SEMA5A: variants seen among roughly 807,000 people sequenced by gnomAD.
SEMA5A encodes the protein semaphorin 5A.
A neutral mutation model predicts 135.5 loss-of-function variants in SEMA5A; 55 were observed. The observed-to-expected ratio is 0.41, with a 90% CI of 0.33 to 0.51. The LOEUF is 0.51. Among genes scored for constraint, SEMA5A ranks in the 20% least tolerant of loss-of-function variants. The pLI is 0.37. For missense variants in SEMA5A, 1,290 were observed against 1,419.9 expected (o/e 0.91, Z 1.47); for synonymous variants, 580 against 546.5 (o/e 1.06, Z -0.85).
intron 1 of SEMA5A, 25 bp from the exon 2 acceptor site, chr5:9,437,877 C>G (rs944405538): frequency 6.6e-6 from 1 of 152,284 alleles, no homozygotes; most frequent in African/African-American, 2.4e-5. Flanking sequence ...ATAGAGAGAT[C>G]CTGTCAACCC....
chr5:9,514,845 T>G (rs1418379606), intron 1 of SEMA5A, among the ~76,000 whole-genome samples: 1 of 152,182 alleles, frequency 6.6e-6, no homozygotes, highest in Non-Finnish European at 1.5e-5. Context: ...AGATCATTCT[T>G]AAAAAGAGTT....
At chr5:9,055,778 C>T (rs565134639) in intron 18 of SEMA5A, among the ~76,000 whole-genome samples, 94 of 151,714 alleles carry the variant, frequency 6.2e-4, no homozygotes, top group South Asian at 2.5e-3. Flanking sequence ...AAAAGTTATA[C>T]GGTATATCAG....
intron 1 of SEMA5A, among the ~76,000 whole-genome samples, chr5:9,474,433 A>G (rs1439638801): frequency 4.0e-5 from 6 of 151,880 alleles, no homozygotes; most frequent in Admixed American, 3.9e-4. Flanking sequence ...AGGAAACAGG[A>G]GTCTGGCTTG....
intron 3 of SEMA5A, among the ~76,000 whole-genome samples, chr5:9,341,389 G>A (rs1324970771): frequency 2.0e-5 from 3 of 151,910 alleles, no homozygotes; most frequent in African/African-American, 4.8e-5. Flanking sequence ...ATCAGAAAAT[G>A]AACAGTTTTG....
At chr5:9,389,775 G>A (rs527463559) in intron 2 of SEMA5A, among the ~76,000 whole-genome samples, 2 of 152,040 alleles carry the variant, frequency 1.3e-5, no homozygotes. Flanking sequence ...CACTTCTATG[G>A]AGCCTTCTAT....
At chr5:9,532,959 T>C (rs902457378) in intron 1 of SEMA5A, among the ~76,000 whole-genome samples, 5 of 152,230 alleles carry the variant, frequency 3.3e-5, no homozygotes, top group African/African-American at 4.8e-5. Flanking sequence ...CTGCTCCCAA[T>C]TTCATGCAGT....
At chr5:9,135,873 T>C (rs1741709346) in intron 13 of SEMA5A, among the ~76,000 whole-genome samples, 1 of 152,212 alleles carries the variant, frequency 6.6e-6, no homozygotes, top group African/African-American at 2.4e-5. Flanking sequence ...TACTGGTTCC[T>C]ATAAATGTGG....
In SEMA5A at chr5:9,436,167, A is replaced by G. The variant is rs556881554; in HGVS notation, c.-78+1589T>C. Among the ~76,000 whole-genome samples, 26 of 152,298 alleles carry G rather than the reference A, an allele frequency of 1.7e-4. No homozygotes were observed. In the East Asian group the frequency reaches 4.2e-3, roughly 25 times the overall value. On this transcript the variant is annotated intron_variant, in intron 2 of 22. Coordinates refer to ENST00000382496, the MANE Select transcript of SEMA5A (RefSeq NM_003966.3). The stretch of plus-strand genomic sequence containing the variant: ...TGAAAGGGTTGTTATGAGAATTTTA[A>G]ACATCTCACTCAGCACAGGGCCTGA...
chr5:9,225,568 CAAA>C (rs3034595), intron 7 of SEMA5A, among the ~76,000 whole-genome samples: 11 of 112,326 alleles, frequency 9.8e-5, no homozygotes, highest in Non-Finnish European at 5.6e-5. Context: ...GACTCTGTCT[CAAA>C]AAAAAAAAAA....
At chr5:9,542,433 C>T (rs900733304) in intron 1 of SEMA5A, among the ~76,000 whole-genome samples, 2 of 152,168 alleles carry the variant, frequency 1.3e-5, no homozygotes, top group African/African-American at 4.8e-5. Flanking sequence ...TTTTATGATT[C>T]AAGAAAACAG....
intron 1 of SEMA5A, among the ~76,000 whole-genome samples, chr5:9,495,994 C>G (rs1735282006): frequency 6.6e-6 from 1 of 152,136 alleles, no homozygotes; most frequent in African/African-American, 2.4e-5. Flanking sequence ...ACTGTTGTAT[C>G]CCCAGCATGC....
chr5:9,354,113 G>C (rs1398621640), intron 3 of SEMA5A, among the ~76,000 whole-genome samples: 1 of 152,120 alleles, frequency 6.6e-6, no homozygotes, highest in Non-Finnish European at 1.5e-5. Flanking sequence ...CCTCTGCAAA[G>C]ACAGGTTCAT....
chr5:9,458,969 CT>C (rs1758952837), intron 1 of SEMA5A, among the ~76,000 whole-genome samples: 1 of 152,150 alleles, frequency 6.6e-6, no homozygotes, highest in Admixed American at 6.5e-5. Flanking sequence ...TTCAAGTAGT[CT>C]TGGAAGACTC....
rs962263253 is a variant in SEMA5A at position 9,149,175 on chromosome 5, A to G, written c.1481+5313T>C. Among the ~76,000 whole-genome samples, 4 of 152,332 alleles carry G rather than the reference A, an allele frequency of 2.6e-5. No individual in the cohort carries two copies. The East Asian group carries it at 7.7e-4, about 29-fold the overall frequency. ...TCCATCAGCCTTGCTTGACCCACAC[A>G]TCTACCCATTCATTATGGTCTATGG... On this transcript the variant is annotated intron_variant, in intron 12 of 22. Transcript: ENST00000382496.
chr5:9,413,107 G>T (rs1401463194), intron 2 of SEMA5A, among the ~76,000 whole-genome samples: 5 of 152,134 alleles, frequency 3.3e-5, no homozygotes, highest in Non-Finnish European at 7.4e-5. Flanking sequence ...CAGGCATTGG[G>T]CTCCTAGCAG....
intron 16 of SEMA5A, among the ~76,000 whole-genome samples, chr5:9,095,535 T>TG (rs1432324627): frequency 1.3e-5 from 2 of 152,202 alleles, no homozygotes; most frequent in Non-Finnish European, 2.9e-5. Flanking sequence ...AAAGAAACAA[T>TG]GGAATCTATA....
At position 9,413,943 on chromosome 5, in the gene SEMA5A, T is replaced by TA. The variant is rs528174791; in HGVS notation, c.-78+23812dup. On this transcript the variant is annotated intron_variant, in intron 2 of 22. Coordinates refer to ENST00000382496, the MANE Select transcript of SEMA5A (RefSeq NM_003966.3). ...CAAGCCAGGCATGTATCAAAATAGG[T>TA]ATATAAAATCTCTATAAAGTAAATA... 1.2e-4 allele frequency among the ~76,000 whole-genome samples: 18 copies of TA among 152,240 alleles called. 1 individual carries two copies. In the South Asian group the frequency reaches 3.7e-3, roughly 32 times the overall value.
chr5:9,211,872 A>G (rs1225122346), intron 8 of SEMA5A, among the ~76,000 whole-genome samples: 2 of 152,254 alleles, frequency 1.3e-5, no homozygotes, highest in African/African-American at 2.4e-5. Context: ...CTCATAAAAA[A>G]TGATACAGTT....
At chr5:9,351,986 C>T (rs1754139270) in intron 3 of SEMA5A, among the ~76,000 whole-genome samples, 1 of 151,660 alleles carries the variant, frequency 6.6e-6, no homozygotes, top group Non-Finnish European at 1.5e-5. Flanking sequence ...CTTAGCCTTG[C>T]TATAACACTG....
Sources: allele counts gnomAD v4.1 joint callset (sites outside exome capture counted in the v4.1 genomes callset), GRCh38; gene constraint gnomAD v4.1.1; transcripts MANE v1.5; gene names NCBI Gene and HGNC (gene_info 2026-07-23, HGNC 2026-07-21).